Variants in FBXL20 observed in about 807,000 individuals in gnomAD.
FBXL20 encodes the protein F-box/LRR-repeat protein 20.
A neutral mutation model predicts 64.0 loss-of-function variants in FBXL20; 11 were observed. The observed-to-expected ratio is 0.17, with a 90% CI of 0.11 to 0.28. The LOEUF is 0.28. Among genes scored for constraint, FBXL20 ranks in the 10% least tolerant of loss-of-function variants. The pLI, the probability that FBXL20 is intolerant of heterozygous loss-of-function variation, is 1.00. For synonymous variants in FBXL20, 184 were observed against 189.0 expected (o/e 0.97, Z 0.22); for missense variants, 303 against 526.2 (o/e 0.58, Z 4.15).
intron 1 of FBXL20, among the ~76,000 whole-genome samples, chr17:39,394,795 G>A (rs1156946825): frequency 6.6e-6 from 1 of 152,066 alleles, no homozygotes; most frequent in Non-Finnish European, 1.5e-5. Flanking sequence ...CTGACCTCAA[G>A]TGATCCGCCC....
At chr17:39,319,673 CAAAAAAAAAAAAAA>C (rs71300077) in intron 2 of FBXL20, among the ~76,000 whole-genome samples, 1 of 47,308 alleles carries the variant, frequency 2.1e-5, no homozygotes, top group South Asian at 1.0e-3. Context: ...GACTCCATAT[CAAAAAAAAAAAAAA>C]AAAAAAAAAC....
At chr17:39,324,008 A>ACCC (rs138382317) in intron 2 of FBXL20, among the ~76,000 whole-genome samples, 6 of 129,040 alleles carry the variant, frequency 4.6e-5, no homozygotes, top group African/African-American at 1.7e-4. Context: ...TCGTGATCCA[A>ACCC]CCCCCTCCCC....
intron 9 of FBXL20, among the ~76,000 whole-genome samples, chr17:39,275,542 G>T (rs2046882092): frequency 6.6e-6 from 1 of 151,894 alleles, no homozygotes; most frequent in Non-Finnish European, 1.5e-5. Flanking sequence ...CTCCTGACTA[G>T]CTGGGACTAC....
intron 1 of FBXL20, among the ~76,000 whole-genome samples, chr17:39,392,459 A>C (rs1297335639): frequency 6.6e-6 from 1 of 151,664 alleles, no homozygotes; most frequent in African/African-American, 2.4e-5. Context: ...AAAAAAAGAA[A>C]AGAAAACAAA....
intron 1 of FBXL20, among the ~76,000 whole-genome samples, chr17:39,349,116 G>A (rs2047662154): frequency 6.6e-6 from 1 of 151,878 alleles, no homozygotes; most frequent in African/African-American, 2.4e-5. Flanking sequence ...GCCAGGCATG[G>A]TGGCAGGCAC....
At chr17:39,299,631 A>G (rs906738318) in intron 4 of FBXL20, among the ~76,000 whole-genome samples, 2 of 152,042 alleles carry the variant, frequency 1.3e-5, no homozygotes, top group Non-Finnish European at 2.9e-5. Flanking sequence ...AATACAAAAA[A>G]CTAGCCGGGC....
chr17:39,296,737 C>G (rs1232421191), intron 6 of FBXL20, among the ~76,000 whole-genome samples: 1 of 152,082 alleles, frequency 6.6e-6, no homozygotes, highest in Non-Finnish European at 1.5e-5. Flanking sequence ...CATTTAATAA[C>G]TGTTCTCAGG....
chr17:39,308,193 G>C (rs2047200308), intron 2 of FBXL20, among the ~76,000 whole-genome samples: 1 of 151,346 alleles, frequency 6.6e-6, no homozygotes. Flanking sequence ...GCCCAGGCTG[G>C]TCTCGAGCTC....
chr17:39,288,772 G>C (rs1396147265), intron 6 of FBXL20, among the ~76,000 whole-genome samples: 1 of 151,470 alleles, frequency 6.6e-6, no homozygotes, highest in South Asian at 2.1e-4. Flanking sequence ...GCAGTGGCGC[G>C]ATCTCGGATC....
At chr17:39,318,344 A>G (rs916867633) in intron 2 of FBXL20, among the ~76,000 whole-genome samples, 1 of 152,214 alleles carries the variant, frequency 6.6e-6, no homozygotes, top group African/African-American at 2.4e-5. Flanking sequence ...ACAATAGTCT[A>G]AGACTATCAG....
At chr17:39,338,006 T>C (rs1436132935) in intron 2 of FBXL20, among the ~76,000 whole-genome samples, 8 of 152,116 alleles carry the variant, frequency 5.3e-5, no homozygotes, top group Admixed American at 2.0e-4. Context: ...GAGGAGCCCC[T>C]CTGCCCGGCC....
intron 1 of FBXL20, among the ~76,000 whole-genome samples, chr17:39,381,822 C>CA (rs1379328663): frequency 6.6e-6 from 1 of 150,598 alleles, no homozygotes; most frequent in Non-Finnish European, 1.5e-5. Context: ...AAAGGCCGGG[C>CA]ACAGTGGCTC....
chr17:39,363,343 A>G (rs1265060418), intron 1 of FBXL20, among the ~76,000 whole-genome samples: 1 of 151,554 alleles, frequency 6.6e-6, no homozygotes, highest in Admixed American at 6.6e-5. Flanking sequence ...TGTTTTAGAG[A>G]CAGGGTCTCC....
chr17:39,289,713 G>C (rs1267059458), intron 6 of FBXL20, among the ~76,000 whole-genome samples: 1 of 151,412 alleles, frequency 6.6e-6, no homozygotes, highest in African/African-American at 2.4e-5. Flanking sequence ...ATATGTATGA[G>C]GCCAGGAGTG....
intron 1 of FBXL20, among the ~76,000 whole-genome samples, chr17:39,367,325 T>C (rs888510789): frequency 1.3e-5 from 2 of 151,322 alleles, no homozygotes; most frequent in African/African-American, 4.8e-5. Flanking sequence ...TTTTCTTTTT[T>C]TTTTTTTTGG....
intron 1 of FBXL20, among the ~76,000 whole-genome samples, chr17:39,357,605 G>A (rs1288243737): frequency 6.6e-6 from 1 of 152,168 alleles, no homozygotes; most frequent in East Asian, 1.9e-4. Context: ...AGAGTGCGGT[G>A]GCACAAACAT....
chr17:39,303,628 A>G lies in FBXL20; in HGVS notation c.116T>C (p.Phe39Ser). The change falls in exon 3 of 15, where the codon TTT becomes TCT. Residue 39 changes from phenylalanine to serine, a missense_variant. By Grantham distance (155) the Phe-to-Ser change is radical. Coordinates refer to ENST00000264658, the MANE Select transcript of FBXL20 (RefSeq NM_032875.3). ...PKELLLRIFS[F>S]LDVVTLCRCA... Reference sequence around the variant, plus strand: ...GCGGCACAGGGTAACAACATCTAGAAAAGAAAATATCCTAAAAAGAAAAGA... The same window carrying G: ...GCGGCACAGGGTAACAACATCTAGAGAAGAAAATATCCTAAAAAGAAAAGA... 6.2e-7 allele frequency: 1 copy of G among 1,610,152 alleles called. No individual in the cohort carries two copies. Among genetic ancestry groups the G allele is most frequent in the Non-Finnish European group, 8.5e-7 (1 of 1,178,248 alleles).
At chr17:39,378,460 T>C (rs1415604668) in intron 1 of FBXL20, among the ~76,000 whole-genome samples, 1 of 151,916 alleles carries the variant, frequency 6.6e-6, no homozygotes, top group East Asian at 1.9e-4. Flanking sequence ...AATAAAAAAC[T>C]AAACGGGCAA....
At chr17:39,380,642 T>C (rs2048012630) in intron 1 of FBXL20, among the ~76,000 whole-genome samples, 1 of 152,144 alleles carries the variant, frequency 6.6e-6, no homozygotes, top group Non-Finnish European at 1.5e-5. Flanking sequence ...ATCACTATCA[T>C]TAACATCTGG....
Sources: allele counts gnomAD v4.1 joint callset (sites outside exome capture counted in the v4.1 genomes callset), GRCh38; gene constraint gnomAD v4.1.1; transcripts MANE v1.5; gene names NCBI Gene and HGNC (gene_info 2026-07-23, HGNC 2026-07-21).